ATP13A4: variants seen among roughly 807,000 people sequenced by gnomAD.
ATP13A4 encodes probable cation-transporting ATPase 13A4.
ATP13A4 carries 114 observed loss-of-function variants against 142.5 expected under a neutral mutation model. The observed-to-expected ratio is 0.80, with a 90% CI of 0.69 to 0.93. ATP13A4 has a LOEUF of 0.93. Ranked by LOEUF, ATP13A4 falls within the 40% of genes least tolerant of loss-of-function variation. The pLI is 0.00. For synonymous variants in ATP13A4, 488 were observed against 514.8 expected, an observed-to-expected ratio of 0.95 and a Z score of 0.70; for missense variants, 1,392 against 1,454.0, an observed-to-expected ratio of 0.96 and a Z score of 0.69.
intron 25 of ATP13A4, among the ~76,000 whole-genome samples, chr3:193,422,571 G>C (rs748662791): frequency 6.7e-6 from 1 of 149,450 alleles, no homozygotes; most frequent in Non-Finnish European, 1.5e-5. Context: ...ATCAATGACA[G>C]GAGGACCTTC....
At chr3:193,453,743 AT>A (rs34481097) in intron 17 of ATP13A4, among the ~76,000 whole-genome samples, 47 of 151,934 alleles carry the variant, frequency 3.1e-4, no homozygotes, top group Non-Finnish European at 1.0e-4. Context: ...ACCAACTATA[AT>A]TTTTTTTAAA....
intron 2 of ATP13A4, chr3:193,578,712 CTCTGTCTG>C (rs915731967): frequency 2.6e-5 from 4 of 152,552 alleles, no homozygotes; most frequent in Non-Finnish European, 4.4e-5. Context: ...GGAACATACC[CTCTGTCTG>C]TCTGTCTGTC....
intron 1 of ATP13A4, among the ~76,000 whole-genome samples, chr3:193,520,688 C>CA (rs981333648): frequency 3.5e-4 from 52 of 150,366 alleles, no homozygotes; most frequent in African/African-American, 1.1e-3. Context: ...TACTACTTTG[C>CA]AAAAAAAAAT....
At chr3:193,512,692 T>G (rs1001050343) in intron 2 of ATP13A4, among the ~76,000 whole-genome samples, 1 of 152,200 alleles carries the variant, frequency 6.6e-6, no homozygotes, top group Non-Finnish European at 1.5e-5. Context: ...TAGATTATTC[T>G]GATGCCAGTT....
At position 193,454,113 on chromosome 3, in the gene ATP13A4, G is replaced by C; in HGVS notation, c.2015C>G (p.Thr672Ser). The C allele has an allele frequency of 6.2e-7, 1 of 1,611,152 alleles. No homozygotes were observed. Among genetic ancestry groups the C allele is most frequent in the Non-Finnish European group, 8.5e-7 (1 of 1,177,264 alleles). ...YKKLENDHHA[T>S]TLTRETVESD... ...CATCCCCATTTACCTCGTCAAGGTA[G>C]TAGCGTGATGGTCATTTTCCAGCTT... Residue 672 changes from threonine to serine, a missense_variant, in exon 17 of 30, where the codon ACT becomes AGT. Transcript: ENST00000342695.
At chr3:193,428,677 A>C (rs1257835610) in intron 25 of ATP13A4, among the ~76,000 whole-genome samples, 1 of 151,690 alleles carries the variant, frequency 6.6e-6, no homozygotes, top group African/African-American at 2.4e-5. Context: ...CATTCTCAGC[A>C]AACTATTGCA....
chr3:193,428,589 T>A (rs113234856), intron 25 of ATP13A4, among the ~76,000 whole-genome samples: 60 of 151,944 alleles, frequency 3.9e-4, no homozygotes, highest in African/African-American at 1.4e-3. Flanking sequence ...GGCACATATA[T>A]ACCATGGAAT....
rs551849299 is a variant in ATP13A4 at position 193,543,001 on chromosome 3, TA to T, written c.60+11738del. Among the ~76,000 whole-genome samples, 229 of 151,996 alleles carry T rather than the reference TA, an allele frequency of 1.5e-3. 1 individual carries two copies. Among genetic ancestry groups the T allele is most frequent in the African/African-American group, 4.4e-3 (184 of 41,462 alleles). ...TAACATGGTGAAACCCTGTCTCTAC[TA>T]AAAAATACAACAAAAATTAGCCGGG... On this transcript the variant is annotated intron_variant, in intron 1 of 29. Coordinates refer to ENST00000342695, the MANE Select transcript of ATP13A4 (RefSeq NM_032279.4).
chr3:193,477,342 T>C (rs1018349269), intron 8 of ATP13A4, among the ~76,000 whole-genome samples: 3 of 151,994 alleles, frequency 2.0e-5, no homozygotes, highest in South Asian at 2.1e-4. Flanking sequence ...ATAGAACAGA[T>C]GAAAAAAGAT....
chr3:193,549,965 G>T (rs1487341862), intron 1 of ATP13A4, among the ~76,000 whole-genome samples: 1 of 152,170 alleles, frequency 6.6e-6, no homozygotes, highest in East Asian at 1.9e-4. Context: ...TATTCATGTT[G>T]TTTTTCAACA....
Position 193,502,655 on chromosome 3 carries a change from T to A in ATP13A4, c.235-16A>T. 2 of 1,612,842 alleles carry A rather than the reference T, an allele frequency of 1.2e-6. No individual in the cohort carries two copies. Among genetic ancestry groups the A allele is most frequent in the Non-Finnish European group, 1.7e-6 (2 of 1,178,944 alleles). On this transcript the variant is annotated splice_polypyrimidine_tract_variant and intron_variant, in intron 2 of 29. Transcript: ENST00000342695. ...GGAATTCATCCTGAGGAGATAGACA[T>A]CAAAACCCCCAAGAAGTTAAGAGAG... is the stretch of plus-strand genomic sequence containing the variant.
At chr3:193,414,828 T>G in intron 25 of ATP13A4, 78 bp from the exon 26 acceptor site, 1 of 1,414,722 alleles carries the variant, frequency 7.1e-7, no homozygotes, top group Admixed American at 1.8e-5. Context: ...ATAAGTTCAT[T>G]GGCCCATACA....
rs1475131915 is a variant in ATP13A4 at position 193,399,550 on chromosome 3, GGTA to G, written c.*3099_*3101del. 6.6e-6 allele frequency among the ~76,000 whole-genome samples: 1 copy of G among 152,074 alleles called. No individual in the cohort carries two copies. Among genetic ancestry groups the G allele is most frequent in the East Asian group, 1.9e-4 (1 of 5,168 alleles). ...GAGTGTCTGTCTGGTATTCTGTGTG[GGTA>G]GTAGTAGAAAATAGTTCACATCTGG... On this transcript the variant is annotated 3_prime_UTR_variant, in exon 30 of 30. Coordinates refer to ENST00000342695, the MANE Select transcript of ATP13A4 (RefSeq NM_032279.4).
chr3:193,500,899 G>A (rs957485560), intron 3 of ATP13A4, among the ~76,000 whole-genome samples: 2 of 152,132 alleles, frequency 1.3e-5, no homozygotes, highest in African/African-American at 2.4e-5. Flanking sequence ...AATATCCATC[G>A]TCTCATTGTG....
chr3:193,503,994 C>CGTGTGTGTGTGTGTGT (rs1491532980), intron 2 of ATP13A4, among the ~76,000 whole-genome samples: 34 of 108,200 alleles, frequency 3.1e-4, no homozygotes, highest in African/African-American at 1.3e-3. Flanking sequence ...GTTCTGTGTG[C>CGTGTGTGTGTGTGTGT]ATGTGTGTGT....
intron 14 of ATP13A4, among the ~76,000 whole-genome samples, chr3:193,457,875 T>A (rs968562902): frequency 2.6e-5 from 4 of 152,200 alleles, no homozygotes; most frequent in Non-Finnish European, 4.4e-5. Context: ...TTTGGATGGA[T>A]GGTTCTCAGG....
Position 193,588,334 on chromosome 3 carries a change from T to C in ATP13A4, n.91+4687A>G, listed in dbSNP as rs140184435. On this transcript the variant is annotated intron_variant and non_coding_transcript_variant, in intron 1 of 3. Transcript: ENST00000489140. The stretch of plus-strand genomic sequence containing the variant: ...TTCTAACTGCCACCTGAATAACCCA[T>C]TCACACTTCAGCACCAATCATCATT... Among the ~76,000 whole-genome samples the C allele has an allele frequency of 4.6e-3, 693 of 152,266 alleles. 4 individuals are homozygous for C. Among genetic ancestry groups the C allele is most frequent in the African/African-American group, 0.016 (664 of 41,558 alleles).
intron 8 of ATP13A4, among the ~76,000 whole-genome samples, chr3:193,481,942 T>C (rs897593436): frequency 1.3e-5 from 2 of 152,150 alleles, no homozygotes; most frequent in Non-Finnish European, 2.9e-5. Context: ...TTTAAAGAAA[T>C]TGACAGGTTG....
intron 18 of ATP13A4, 48 bp downstream of exon 18, chr3:193,448,158 T>C (rs1409983639): frequency 4.4e-6 from 7 of 1,608,426 alleles, no homozygotes; most frequent in Non-Finnish European, 6.0e-6. Context: ...ACCATGTCTA[T>C]TTCCACATCA....
Sources: gnomAD v4.1 joint callset for allele counts (sites outside exome capture counted in the v4.1 genomes callset) on GRCh38, gnomAD v4.1.1 for gene constraint, MANE v1.5 for transcripts, NCBI Gene and HGNC (gene_info 2026-07-23, HGNC 2026-07-21) for gene names.